The following LEPR variants were observed in gnomAD, a reference collection of about 807,000 sequenced individuals.
LEPR encodes the protein OB receptor.
LEPR carries 56 observed loss-of-function variants against 114.7 expected under a neutral mutation model. The observed-to-expected ratio is 0.49, with a 90% CI of 0.39 to 0.61. The LOEUF (loss-of-function observed/expected upper bound fraction) is 0.61, where lower values mean the gene tolerates loss of function less well. Among genes scored for constraint, LEPR ranks in the 20% least tolerant of loss-of-function variants. LEPR has a pLI of 0.00. For missense variants in LEPR, 1,202 were observed against 1,352.9 expected (o/e 0.89, Z 1.75); for synonymous variants, 443 against 461.4 (o/e 0.96, Z 0.51).
chr1:65,605,448 A>G (rs1403200146), intron 11 of LEPR, among the ~76,000 whole-genome samples: 1 of 152,194 alleles, frequency 6.6e-6, no homozygotes, highest in Non-Finnish European at 1.5e-5. Flanking sequence ...TTTTTTAGCA[A>G]TAGGAATATT....
intron 2 of LEPR, among the ~76,000 whole-genome samples, chr1:65,527,077 T>G (rs1251714714): frequency 6.6e-6 from 1 of 152,226 alleles, no homozygotes; most frequent in Non-Finnish European, 1.5e-5. Flanking sequence ...AATACATGGC[T>G]TTAGCATAGC....
intron 2 of LEPR, among the ~76,000 whole-genome samples, chr1:65,545,603 T>C (rs551419430): frequency 6.6e-6 from 1 of 152,278 alleles, no homozygotes; most frequent in South Asian, 2.1e-4. Flanking sequence ...CATAAATGTC[T>C]TCTTTTGAGA....
chr1:65,550,125 G>A (rs1387145304), intron 2 of LEPR, among the ~76,000 whole-genome samples: 4 of 152,162 alleles, frequency 2.6e-5, no homozygotes, highest in Non-Finnish European at 5.9e-5. Flanking sequence ...CTGCAGAACC[G>A]CGGATTTTCG....
chr1:65,591,835 T>G (rs2100893870), intron 5 of LEPR, among the ~76,000 whole-genome samples: 1 of 152,118 alleles, frequency 6.6e-6, no homozygotes, highest in East Asian at 1.9e-4. Context: ...TATGTTTAGG[T>G]TTAAATCTTT....
chr1:65,548,395 G>A (rs950472023), intron 2 of LEPR, among the ~76,000 whole-genome samples: 19 of 152,244 alleles, frequency 1.2e-4, no homozygotes, highest in African/African-American at 4.6e-4. Flanking sequence ...TCTGTCTAAT[G>A]TTGACAGTGG....
At chr1:65,550,489 G>C (rs1331773628) in intron 2 of LEPR, among the ~76,000 whole-genome samples, 1 of 152,236 alleles carries the variant, frequency 6.6e-6, no homozygotes, top group South Asian at 2.1e-4. Context: ...CTTCCTGGCT[G>C]TTTTGTTTAC....
At chr1:65,542,218 T>C (rs1433574834) in intron 2 of LEPR, among the ~76,000 whole-genome samples, 1 of 152,104 alleles carries the variant, frequency 6.6e-6, no homozygotes, top group Non-Finnish European at 1.5e-5. Context: ...CTTTGTATAC[T>C]TTATACAGAT....
chr1:65,627,021 T>A (rs1043835686), intron 19 of LEPR, among the ~76,000 whole-genome samples: 9 of 152,178 alleles, frequency 5.9e-5, no homozygotes, highest in African/African-American at 2.2e-4. Flanking sequence ...CCATCCACCC[T>A]ATGTTTCATA....
intron 2 of LEPR, among the ~76,000 whole-genome samples, chr1:65,549,712 GT>G (rs1652125910): frequency 6.6e-6 from 1 of 151,944 alleles, no homozygotes; most frequent in African/African-American, 2.4e-5. Flanking sequence ...TTATACATTT[GT>G]CTAAATTTTT....
At chr1:65,515,751 A>G (rs1171992433) in intron 2 of LEPR, among the ~76,000 whole-genome samples, 3 of 152,212 alleles carry the variant, frequency 2.0e-5, no homozygotes, top group Non-Finnish European at 4.4e-5. Flanking sequence ...AGACTATCGT[A>G]TTGTATAATG....
At position 65,613,523 on chromosome 1, in the gene LEPR, G is replaced by A. The variant is rs1356965455; in HGVS notation, c.1996-2485G>A. On this transcript the variant is annotated intron_variant, in intron 14 of 19. Coordinates refer to ENST00000349533, the MANE Select transcript of LEPR (RefSeq NM_002303.6). ...AATCCCAGCACTTTGGGAGGCCGAG[G>A]CGGGTGGATCACGAGGTCAGGAGAT... Among the ~76,000 whole-genome samples the A allele has an allele frequency of 3.1e-5, 3 of 97,550 alleles. 1 individual carries two copies. The highest frequency in any genetic ancestry group is 6.6e-5 in the Non-Finnish European group (3 of 45,128). The allele number at this position is 97,550 out of a possible 152,430, so 64.0% of individuals were successfully genotyped here. A position where few individuals can be genotyped will look rare whatever the true frequency, so the allele number is the denominator to read the frequency against.
chr1:65,442,419 T>G (rs1431826597), intron 2 of LEPR, among the ~76,000 whole-genome samples: 1 of 152,194 alleles, frequency 6.6e-6, no homozygotes, highest in Non-Finnish European at 1.5e-5. Context: ...CCAACTAAAC[T>G]AGTATATATC....
chr1:65,510,316 T>C (rs1271107252), intron 2 of LEPR, among the ~76,000 whole-genome samples: 2 of 152,216 alleles, frequency 1.3e-5, no homozygotes, highest in Non-Finnish European at 2.9e-5. Context: ...GGCAAAAATG[T>C]AGCTACAATT....
At chr1:65,525,783 T>A in intron 2 of LEPR, 1 of 986,120 alleles carries the variant, frequency 1.0e-6, no homozygotes. Flanking sequence ...GCCGCCGCCA[T>A]CTCTGCCTTC....
rs1646516274 is a variant in LEPR at position 65,433,474 on chromosome 1, A to C, written c.-21+8096A>C. ...AGGAGAACCATTTGATCAGAATACA[A>C]CCAATAGTCTTTAAGCATTGTTAAA... is the stretch of plus-strand genomic sequence containing the variant. On this transcript the variant is annotated intron_variant, in intron 2 of 19. Transcript: ENST00000349533. 4.1e-6 allele frequency: 4 copies of C among 985,356 alleles called. No individual in the cohort carries two copies. In the African/African-American group the frequency reaches 5.2e-5, roughly 13 times the overall value. The allele number at this position is 985,356 out of a possible 1,614,324, so 61.0% of individuals were successfully genotyped here.
chr1:65,548,705 T>C (rs1246768625), intron 2 of LEPR, among the ~76,000 whole-genome samples: 2 of 152,162 alleles, frequency 1.3e-5, no homozygotes, highest in Non-Finnish European at 2.9e-5. Context: ...TGTGTGTCTC[T>C]GCATGTGAGA....
rs1347912341 is a variant in LEPR, at chr1:65,605,271, T to C, written c.1603+34T>C. On this transcript the variant is annotated intron_variant, in intron 11 of 19. Coordinates refer to ENST00000349533, the MANE Select transcript of LEPR (RefSeq NM_002303.6). ...AGCTGCGTTGTGTCTTCATTTGTGT[T>C]AGCAGATTTGTATGCAGATTGATGC... is the stretch of plus-strand genomic sequence containing the variant. The C allele has an allele frequency of 3.7e-6, 6 of 1,611,272 alleles. No homozygotes were observed. The Admixed American group carries it at 6.7e-5, about 18-fold the overall frequency.
chr1:65,608,685 A>G (rs1356130086), intron 11 of LEPR, 68 bp from the exon 12 acceptor site: 1 of 1,512,264 alleles, frequency 6.6e-7, no homozygotes, highest in Non-Finnish European at 9.0e-7. Context: ...TGAAAATATA[A>G]CACAATGTTT....
chr1:65,617,148 A>G (rs1657576823), intron 15 of LEPR, among the ~76,000 whole-genome samples: 1 of 152,186 alleles, frequency 6.6e-6, no homozygotes, highest in African/African-American at 2.4e-5. Flanking sequence ...GAAAAACTAT[A>G]ATGGTTGGAG....
Sources: gnomAD v4.1 joint callset for allele counts (sites outside exome capture counted in the v4.1 genomes callset) on GRCh38, gnomAD v4.1.1 for gene constraint, MANE v1.5 for transcripts, NCBI Gene and HGNC (gene_info 2026-07-23, HGNC 2026-07-21) for gene names.